TRHDE: variants seen among roughly 807,000 people sequenced by gnomAD.
TRHDE encodes thyrotropin-releasing hormone-degrading ectoenzyme.
In TRHDE, 72 loss-of-function variants were observed where a neutral mutation model predicts 125.7. That is an observed-to-expected ratio of 0.57 (90% confidence interval 0.47 to 0.70). The LOEUF is 0.70. TRHDE is among the 30% of genes least tolerant of loss of function. TRHDE has a pLI of 0.00. For missense variants in TRHDE, 1,110 were observed against 1,327.1 expected (o/e 0.84, Z 2.54); for synonymous variants, 509 against 509.1 (o/e 1.00, Z 0.00).
intron 2 of TRHDE, among the ~76,000 whole-genome samples, chr12:72,129,179 C>G (rs896758945): frequency 2.0e-5 from 3 of 151,960 alleles, no homozygotes; most frequent in Admixed American, 6.6e-5. Flanking sequence ...CTTTCAAAAT[C>G]AAAGAAAAAT....
rs1880412671 is a variant in TRHDE, at chr12:72,299,141, G to A, written c.1188+12187G>A. On this transcript the variant is annotated intron_variant, in intron 2 of 18. Transcript: ENST00000261180. ...GGAAGATTAACCAAGACATTCTGTT[G>A]AGATATATTAATATTTCTAGGGATG... Among the ~76,000 whole-genome samples the A allele has an allele frequency of 2.0e-5, 3 of 152,136 alleles. No homozygotes were observed. In the South Asian group the frequency reaches 6.2e-4, roughly 32 times the overall value.
chr12:72,613,722 G>A (rs1314404396), intron 12 of TRHDE, among the ~76,000 whole-genome samples: 2 of 152,136 alleles, frequency 1.3e-5, no homozygotes, highest in Non-Finnish European at 2.9e-5. Flanking sequence ...CAGAAAATAG[G>A]TGCCTAAGTC....
intron 5 of TRHDE, among the ~76,000 whole-genome samples, chr12:72,497,111 C>T (rs115983473): frequency 1.3e-5 from 2 of 151,910 alleles, no homozygotes; most frequent in African/African-American, 4.8e-5. Flanking sequence ...TACACAATAT[C>T]GTTCTCTCCA....
chr12:72,089,659 C>T (rs1227287497), intron 1 of TRHDE, among the ~76,000 whole-genome samples: 7 of 152,310 alleles, frequency 4.6e-5, no homozygotes, highest in African/African-American at 1.4e-4. Flanking sequence ...TAACAATGCA[C>T]CACTTAACTG....
intron 2 of TRHDE, among the ~76,000 whole-genome samples, chr12:72,198,057 C>G (rs1416457776): frequency 6.6e-6 from 1 of 152,016 alleles, no homozygotes; most frequent in Non-Finnish European, 1.5e-5. Context: ...TAAATAGAAT[C>G]ATATAATATG....
chr12:72,123,015 T>C (rs956759822), intron 2 of TRHDE, among the ~76,000 whole-genome samples: 4 of 152,174 alleles, frequency 2.6e-5, no homozygotes, highest in African/African-American at 9.6e-5. Context: ...TCCTAATCCC[T>C]GGTTGCAACT....
At chr12:72,396,693 G>A (rs993845974) in intron 3 of TRHDE, among the ~76,000 whole-genome samples, 1 of 152,094 alleles carries the variant, frequency 6.6e-6, no homozygotes, top group Non-Finnish European at 1.5e-5. Flanking sequence ...GCAGTGAGCC[G>A]AGATTGCGCT....
At chr12:72,158,933 G>T (rs1304433636) in intron 2 of TRHDE, among the ~76,000 whole-genome samples, 1 of 152,026 alleles carries the variant, frequency 6.6e-6, no homozygotes, top group Admixed American at 6.6e-5. Flanking sequence ...CTTACAAATG[G>T]CCAATCAATG....
At position 72,301,158 on chromosome 12, in the gene TRHDE, A is replaced by T. The variant is rs191241538; in HGVS notation, c.1188+14204A>T. On this transcript the variant is annotated intron_variant, in intron 2 of 18. Coordinates refer to ENST00000261180, the MANE Select transcript of TRHDE (RefSeq NM_013381.3). Reference sequence around the variant, plus strand: ...TTATTACCTGTGTCTCTCTGATGAAATGTAAATCTTTTAAATGGCAAGTCG... The same window carrying T: ...TTATTACCTGTGTCTCTCTGATGAATTGTAAATCTTTTAAATGGCAAGTCG... 3.7e-3 allele frequency among the ~76,000 whole-genome samples: 557 copies of T among 152,250 alleles called. 5 individuals carry two copies. The highest frequency in any genetic ancestry group is 0.013 in the African/African-American group (526 of 41,560).
intron 2 of TRHDE, among the ~76,000 whole-genome samples, chr12:72,155,769 G>C (rs1403286132): frequency 6.6e-6 from 1 of 152,178 alleles, no homozygotes; most frequent in African/African-American, 2.4e-5. Flanking sequence ...TCTCAGAGGA[G>C]TACCTGGCCA....
intron 3 of TRHDE, among the ~76,000 whole-genome samples, chr12:72,423,801 A>T (rs1485037565): frequency 1.3e-5 from 2 of 152,044 alleles, no homozygotes; most frequent in Non-Finnish European, 2.9e-5. Flanking sequence ...TTAAAAGTGG[A>T]AGAGGAAGCA....
chr12:72,142,678 C>T (rs955545807), intron 2 of TRHDE, among the ~76,000 whole-genome samples: 5 of 152,112 alleles, frequency 3.3e-5, no homozygotes, highest in African/African-American at 1.2e-4. Flanking sequence ...CCCATATAAA[C>T]CCCCAAACCC....
At chr12:72,430,996 CA>C (rs1460639285) in intron 3 of TRHDE, among the ~76,000 whole-genome samples, 2 of 151,952 alleles carry the variant, frequency 1.3e-5, no homozygotes, top group Non-Finnish European at 2.9e-5. Flanking sequence ...TATCTCTAAG[CA>C]TTTTACTCTT....
chr12:72,620,338 CAAAAA>C (rs3080963), intron 13 of TRHDE, among the ~76,000 whole-genome samples: 44 of 67,486 alleles, frequency 6.5e-4, no homozygotes, highest in African/African-American at 1.7e-3. Flanking sequence ...CCCATCTCTA[CAAAAA>C]AAAAAAAAAA....
chr12:72,159,437 T>A (rs1229807990), intron 2 of TRHDE, among the ~76,000 whole-genome samples: 1 of 152,228 alleles, frequency 6.6e-6, no homozygotes, highest in Non-Finnish European at 1.5e-5. Flanking sequence ...TAGGCAGCGA[T>A]GAAGCTAAGG....
At chr12:72,358,637 G>A (rs1870929138) in intron 2 of TRHDE, among the ~76,000 whole-genome samples, 1 of 151,224 alleles carries the variant, frequency 6.6e-6, no homozygotes, top group Non-Finnish European at 1.5e-5. Flanking sequence ...GTGAAATAAG[G>A]GAGAAAATAA....
chr12:72,408,309 A>G (rs1377856361), intron 3 of TRHDE, among the ~76,000 whole-genome samples: 2 of 152,180 alleles, frequency 1.3e-5, no homozygotes, highest in Admixed American at 1.3e-4. Context: ...CACAGCAGGA[A>G]CTCTCAGAAA....
intron 2 of TRHDE, among the ~76,000 whole-genome samples, chr12:72,165,865 C>T (rs183343962): frequency 2.6e-5 from 4 of 152,064 alleles, no homozygotes; most frequent in Admixed American, 1.3e-4. Context: ...TTAGTAGGGA[C>T]GGGGTTTCAC....
At position 72,536,052 on chromosome 12, in the gene TRHDE, A is replaced by G. The variant is rs1161702902; in HGVS notation, c.1723-6239A>G. On this transcript the variant is annotated intron_variant, in intron 6 of 18. Transcript: ENST00000261180. ...GTATGTCAACGGAAAGTAATGATAC[A>G]TTATTTCTTAACTTCTCTTGTGCTG... 2.6e-5 allele frequency among the ~76,000 whole-genome samples: 4 copies of G among 152,168 alleles called. No homozygotes were observed. In the East Asian group the frequency reaches 7.7e-4, roughly 29 times the overall value.
Sources: allele counts gnomAD v4.1 joint callset (sites outside exome capture counted in the v4.1 genomes callset), GRCh38; gene constraint gnomAD v4.1.1; transcripts MANE v1.5; gene names NCBI Gene and HGNC (gene_info 2026-07-23, HGNC 2026-07-21).